NKAIN1: variants seen among roughly 807,000 people sequenced by gnomAD.
NKAIN1 encodes the protein sodium/potassium-transporting ATPase subunit beta-1-interacting protein 1.
In NKAIN1, 13 loss-of-function variants were observed where a neutral mutation model predicts 31.6. The ratio of observed to expected loss-of-function variants is 0.41; its 90% CI spans 0.27 to 0.65. The LOEUF (loss-of-function observed/expected upper bound fraction) is 0.65. NKAIN1 is among the 30% of genes least tolerant of loss of function. The probability of loss-of-function intolerance (pLI) is 0.30; values close to 1 mark genes in which losing one functional copy is unlikely to be tolerated. For synonymous variants in NKAIN1, 104 were observed against 109.0 expected (o/e 0.95, Z 0.28); for missense variants, 193 against 262.2 (o/e 0.74, Z 1.82).
At chr1:31,231,697 A>C (rs6690974) in intron 1 of NKAIN1, among the ~76,000 whole-genome samples, 149,828 of 151,938 alleles carry the variant, frequency 0.99, 73,906 homozygotes, top group Middle Eastern at 1. Context: ...CGCCCGGCTA[A>C]TTTTTTGTAT....
chr1:31,239,870 G>A lies in NKAIN1; in HGVS notation c.-323C>T, dbSNP rs999726081. Among the ~76,000 whole-genome samples, 3 of 152,048 alleles carry A rather than the reference G, an allele frequency of 2.0e-5. No individual in the cohort carries two copies. The highest frequency in any genetic ancestry group is 4.4e-5 in the Non-Finnish European group (3 of 67,968). On this transcript the variant is annotated 5_prime_UTR_variant, in exon 1 of 7. Coordinates refer to ENST00000373736, the MANE Select transcript of NKAIN1 (RefSeq NM_024522.3). The surrounding 1 kb of genome is among the most constrained non-coding windows in gnomAD (Gnocchi z 4.8). ...AAGGAGAGCGAGCCCCGAGCGCGGCGCAGCGCAGAGCAGCACTGCCCAGCT... is the reference window on the plus strand; with the variant it reads ...AAGGAGAGCGAGCCCCGAGCGCGGCACAGCGCAGAGCAGCACTGCCCAGCT...
chr1:31,213,617 T>C (rs932391138), intron 1 of NKAIN1, among the ~76,000 whole-genome samples: 3 of 152,190 alleles, frequency 2.0e-5, no homozygotes, highest in Admixed American at 1.3e-4. Flanking sequence ...ACAAAGCTTG[T>C]ACATAAATGC....
chr1:31,188,931 T>G, intron 1 of NKAIN1, among the ~76,000 whole-genome samples: 1 of 151,772 alleles, frequency 6.6e-6, no homozygotes, highest in Non-Finnish European at 1.5e-5. Flanking sequence ...GAGAATCTCT[T>G]GAGCCCAGCA....
intron 1 of NKAIN1, among the ~76,000 whole-genome samples, chr1:31,200,156 G>C (rs2377720): frequency 6.6e-6 from 1 of 152,052 alleles, no homozygotes; most frequent in Non-Finnish European, 1.5e-5. Flanking sequence ...TTGCAGCCTT[G>C]CTGCCTCTCT....
At chr1:31,205,970 A>G (rs1645420707) in intron 1 of NKAIN1, among the ~76,000 whole-genome samples, 1 of 151,238 alleles carries the variant, frequency 6.6e-6, no homozygotes, top group African/African-American at 2.4e-5. Context: ...GCAGTGGCTT[A>G]CATCTGTAAT....
At chr1:31,198,528 A>G (rs1316588) in intron 1 of NKAIN1, among the ~76,000 whole-genome samples, 106,198 of 151,588 alleles carry the variant, frequency 0.7, 38,175 homozygotes, top group Middle Eastern at 0.84. Flanking sequence ...GCCGCAGCCC[A>G]TCCTCAAGCC....
intron 2 of NKAIN1, among the ~76,000 whole-genome samples, chr1:31,187,147 G>A (rs1469960411): frequency 6.6e-6 from 1 of 152,224 alleles, no homozygotes; most frequent in Non-Finnish European, 1.5e-5. Context: ...GCCTGTGGAG[G>A]TGGGGAGAGA....
intron 1 of NKAIN1, among the ~76,000 whole-genome samples, chr1:31,224,297 T>C (rs1006263820): frequency 6.6e-5 from 10 of 152,162 alleles, no homozygotes; most frequent in Non-Finnish European, 8.8e-5. Flanking sequence ...AGTTCATGAA[T>C]AAATGAACAG....
At chr1:31,188,238 C>G in intron 1 of NKAIN1, 51 bp from the exon 2 acceptor site, 1 of 1,539,810 alleles carries the variant, frequency 6.5e-7, no homozygotes, top group South Asian at 1.2e-5. Context: ...AAGGGAAGGA[C>G]AGGGATTCCT....
Position 31,182,588 on chromosome 1 carries a change from C to T in NKAIN1, c.474G>A (p.Leu158=), listed in dbSNP as rs1645211677. Residue 158 remains leucine (L), a splice_region_variant and synonymous_variant, in exon 5 of 7, where the codon CTG becomes CTA. Transcript: ENST00000373736. ...LSSALQIFLA[L]FGFVFACYVS... is the part of the protein sequence containing the mutation. ...CGTAGCAGGCGAACACGAAGCCGAACAGCTGGGAGTGGAGATGACACGTCA... is the reference window on the plus strand; with the variant it reads ...CGTAGCAGGCGAACACGAAGCCGAATAGCTGGGAGTGGAGATGACACGTCA... The T allele has an allele frequency of 1.9e-6, 3 of 1,614,152 alleles. No individual in the cohort carries two copies. The highest frequency in any genetic ancestry group is 1.6e-4 in the Middle Eastern group (1 of 6,062).
At chr1:31,184,089 CTA>C (rs1645224416) in intron 3 of NKAIN1, 75 bp from the exon 4 acceptor site, 1 of 1,338,274 alleles carries the variant, frequency 7.5e-7, no homozygotes, top group Non-Finnish European at 1.0e-6. Context: ...CCCAGGAAGA[CTA>C]TATTGATCGG....
chr1:31,200,252 C>T (rs1174160472), intron 1 of NKAIN1, among the ~76,000 whole-genome samples: 4 of 152,132 alleles, frequency 2.6e-5, no homozygotes, highest in Non-Finnish European at 1.5e-5. Context: ...TGATTCCGTT[C>T]GTGTAAACAC....
At chr1:31,197,091 G>C (rs576975859) in intron 1 of NKAIN1, among the ~76,000 whole-genome samples, 1 of 147,886 alleles carries the variant, frequency 6.8e-6, no homozygotes, top group Admixed American at 6.8e-5. Flanking sequence ...CAGTGCTTAT[G>C]ATTGGATTTT....
Position 31,182,511 on chromosome 1 carries a change from C to G in NKAIN1, c.532+19G>C. 2 of 1,613,958 alleles carry G rather than the reference C, an allele frequency of 1.2e-6. No homozygotes were observed. Among genetic ancestry groups the G allele is most frequent in the Non-Finnish European group, 1.7e-6 (2 of 1,179,870 alleles). Reference sequence around the variant, plus strand: ...GCGCAGGGCCAGATTCCCCACTTCCCCAGGGGCGCCTTACTCACAGCTGTC... The same window carrying G: ...GCGCAGGGCCAGATTCCCCACTTCCGCAGGGGCGCCTTACTCACAGCTGTC... On this transcript the variant is annotated intron_variant, in intron 5 of 6. Coordinates refer to ENST00000373736, the MANE Select transcript of NKAIN1 (RefSeq NM_024522.3).
intron 3 of NKAIN1, 43 bp downstream of exon 3, chr1:31,185,204 T>C (rs756820425): frequency 7.2e-6 from 11 of 1,521,286 alleles, no homozygotes; most frequent in Admixed American, 5.4e-5. Flanking sequence ...GGGATGGGAA[T>C]GGTCAGGCTC....
At chr1:31,219,084 C>T (rs1645541656) in intron 1 of NKAIN1, among the ~76,000 whole-genome samples, 1 of 152,266 alleles carries the variant, frequency 6.6e-6, no homozygotes, top group South Asian at 2.1e-4. Context: ...CTACCCCTCA[C>T]ATGCCTAAAT....
chr1:31,190,735 G>C (rs1485493520), intron 1 of NKAIN1, among the ~76,000 whole-genome samples: 1 of 152,146 alleles, frequency 6.6e-6, no homozygotes, highest in Non-Finnish European at 1.5e-5. Flanking sequence ...GGCCTTGGGG[G>C]AGAAACTCCC....
In NKAIN1 at chr1:31,207,346, C is replaced by T. The variant is rs552029251; in HGVS notation, c.55-19159G>A. Among the ~76,000 whole-genome samples the T allele has an allele frequency of 3.9e-5, 6 of 152,274 alleles. No individual in the cohort carries two copies. In the South Asian group the frequency reaches 6.2e-4, roughly 16 times the overall value. On this transcript the variant is annotated intron_variant, in intron 1 of 6. Coordinates refer to ENST00000373736, the MANE Select transcript of NKAIN1 (RefSeq NM_024522.3). ...TGATGATAACAGTACCCATTTCAAG[C>T]GAATGTTGTGAAGCTTAAGTAGGGA...
At chr1:31,220,127 C>T (rs1203891207) in intron 1 of NKAIN1, among the ~76,000 whole-genome samples, 2 of 151,228 alleles carry the variant, frequency 1.3e-5, no homozygotes, top group East Asian at 3.9e-4. Context: ...CATGCCTCAG[C>T]CACCTGAGCA....
Sources: allele counts gnomAD v4.1 joint callset (sites outside exome capture counted in the v4.1 genomes callset), GRCh38; gene constraint gnomAD v4.1.1; non-coding constraint Gnocchi (gnomAD v3.1); transcripts MANE v1.5; gene names NCBI Gene and HGNC (gene_info 2026-07-23, HGNC 2026-07-21).